The following GHR variants were observed in gnomAD, a reference collection of about 807,000 sequenced individuals.
The protein encoded by GHR is growth hormone receptor.
GHR carries 35 observed loss-of-function variants against 67.1 expected under a neutral mutation model. The observed-to-expected ratio is 0.52, with a 90% confidence interval of 0.40 to 0.69. GHR has a LOEUF of 0.69. Among genes scored for constraint, GHR ranks in the 30% least tolerant of loss-of-function variants. GHR has a pLI of 0.00. For synonymous variants in GHR, 272 were observed against 269.1 expected (o/e 1.01, Z -0.10); for missense variants, 792 against 764.6 (o/e 1.04, Z -0.42).
chr5:42,536,587 A>G (rs1399863014), intron 1 of GHR, among the ~76,000 whole-genome samples: 1 of 152,014 alleles, frequency 6.6e-6, no homozygotes, highest in East Asian at 1.9e-4. Flanking sequence ...TAAAGAGTTT[A>G]GCATCTATGT....
chr5:42,643,298 T>A (rs965620721), intron 3 of GHR, among the ~76,000 whole-genome samples: 8 of 152,202 alleles, frequency 5.3e-5, no homozygotes, highest in Non-Finnish European at 1.0e-4. Context: ...GAGGCTCTCA[T>A]CTGTTTGTGT....
intron 1 of GHR, among the ~76,000 whole-genome samples, chr5:42,474,113 G>A (rs555362168): frequency 9.3e-5 from 14 of 150,760 alleles, no homozygotes; most frequent in Admixed American, 4.0e-4. Context: ...CGCTTGAACC[G>A]AGGAGGCAGA....
intron 1 of GHR, among the ~76,000 whole-genome samples, chr5:42,544,575 C>A (rs1032464178): frequency 2.6e-5 from 4 of 152,116 alleles, no homozygotes; most frequent in African/African-American, 9.7e-5. Flanking sequence ...CCCCACCTCC[C>A]AAGAGATGTT....
intron 5 of GHR, among the ~76,000 whole-genome samples, chr5:42,697,767 T>C (rs752804250): frequency 2.0e-5 from 3 of 152,160 alleles, no homozygotes; most frequent in Non-Finnish European, 4.4e-5. Context: ...TGATGAGCGA[T>C]GTGATCTAAC....
At chr5:42,600,111 C>T (rs1407587912) in intron 2 of GHR, among the ~76,000 whole-genome samples, 1 of 152,038 alleles carries the variant, frequency 6.6e-6, no homozygotes, top group Non-Finnish European at 1.5e-5. Flanking sequence ...GGGAAGGGGT[C>T]GGGAGGGATT....
At chr5:42,569,155 C>G (rs1228824329) in intron 2 of GHR, among the ~76,000 whole-genome samples, 1 of 152,146 alleles carries the variant, frequency 6.6e-6, no homozygotes, top group African/African-American at 2.4e-5. Flanking sequence ...AAGGCTATTA[C>G]AGGAATAACT....
rs757126559 is a variant in GHR, at chr5:42,711,388, G to A, written c.784+16G>A. The A allele has an allele frequency of 3.2e-6, 5 of 1,579,966 alleles. No individual in the cohort carries two copies. The highest frequency in any genetic ancestry group is 4.4e-6 in the Non-Finnish European group (5 of 1,149,176). On this transcript the variant is annotated intron_variant, in intron 7 of 9. Coordinates refer to ENST00000230882, the MANE Select transcript of GHR (RefSeq NM_000163.5). ...TGTGAAGAAGGTAAAAGAAATAAAA[G>A]ATTAAAATAGTAGCTAACCTGGCTT...
At chr5:42,482,010 T>C (rs998047397) in intron 1 of GHR, among the ~76,000 whole-genome samples, 48 of 152,178 alleles carry the variant, frequency 3.2e-4, no homozygotes, top group African/African-American at 9.4e-4. Context: ...ATCTTGGTGG[T>C]TTTATCTACC....
At chr5:42,606,499 C>T (rs2112654307) in intron 2 of GHR, among the ~76,000 whole-genome samples, 1 of 152,044 alleles carries the variant, frequency 6.6e-6, no homozygotes, top group South Asian at 2.1e-4. Context: ...AGAGATGAGG[C>T]AAGAAAGAAA....
intron 2 of GHR, among the ~76,000 whole-genome samples, chr5:42,606,264 G>A (rs1459926102): frequency 6.6e-6 from 1 of 152,180 alleles, no homozygotes; most frequent in Non-Finnish European, 1.5e-5. Flanking sequence ...CAAGCTCCCA[G>A]AGGTCTTACT....
rs1463125739 is a variant in GHR, at chr5:42,471,345, CT to C, written c.-12+47393del. ...AATGCCATGTTTTGAGTGATTTGTC[CT>C]TTGGTTAGTAACTTTAAAAAATATG... On this transcript the variant is annotated intron_variant, in intron 1 of 9. Transcript: ENST00000230882. Among the ~76,000 whole-genome samples the C allele has an allele frequency of 3.7e-4, 57 of 152,122 alleles. 2 individuals are homozygous for C. The highest frequency in any genetic ancestry group is 3.7e-3 in the Admixed American group (57 of 15,254).
intron 1 of GHR, among the ~76,000 whole-genome samples, chr5:42,525,815 G>C (rs945966325): frequency 6.6e-6 from 1 of 152,154 alleles, no homozygotes; most frequent in Non-Finnish European, 1.5e-5. Flanking sequence ...GTTTATCAGA[G>C]GTTTCTGCTT....
intron 4 of GHR, among the ~76,000 whole-genome samples, chr5:42,691,436 G>T (rs941124752): frequency 3.3e-5 from 5 of 152,154 alleles, no homozygotes; most frequent in Admixed American, 2.0e-4. Flanking sequence ...ACTGATTAGT[G>T]TACAGTTATA....
intron 2 of GHR, among the ~76,000 whole-genome samples, chr5:42,625,504 A>ATAG (rs1164752447): frequency 1.3e-5 from 2 of 152,156 alleles, no homozygotes; most frequent in Non-Finnish European, 2.9e-5. Flanking sequence ...GGCCTGTGAC[A>ATAG]TAGCCCTCAG....
intron 8 of GHR, among the ~76,000 whole-genome samples, chr5:42,716,711 T>A (rs1758739995): frequency 6.6e-6 from 1 of 152,346 alleles, no homozygotes; most frequent in South Asian, 2.1e-4. Flanking sequence ...AGTAACAATA[T>A]GCTTTAACAT....
At chr5:42,627,252 C>T (rs1483327050) in intron 2 of GHR, among the ~76,000 whole-genome samples, 1 of 152,116 alleles carries the variant, frequency 6.6e-6, no homozygotes, top group Non-Finnish European at 1.5e-5. Context: ...TATTTCTCTT[C>T]ATTCTTACAG....
At chr5:42,662,289 C>A (rs1755683795) in intron 3 of GHR, among the ~76,000 whole-genome samples, 2 of 152,196 alleles carry the variant, frequency 1.3e-5, no homozygotes, top group South Asian at 4.1e-4. Flanking sequence ...CATCACAAAT[C>A]AACAGAATAT....
intron 2 of GHR, among the ~76,000 whole-genome samples, chr5:42,581,105 A>T (rs1446922053): frequency 6.6e-6 from 1 of 152,178 alleles, no homozygotes; most frequent in South Asian, 2.1e-4. Flanking sequence ...CATAACTTGG[A>T]CTTGGCCATC....
rs1753690732 is a variant in GHR at position 42,626,143 on chromosome 5, C to T, written c.71-2895C>T. ...CACACAAATTCTCCAACAGATTCTT[C>T]AGTGGGACACCAACTGGGTGTTCTC... On this transcript the variant is annotated intron_variant, in intron 2 of 9. Coordinates refer to ENST00000230882, the MANE Select transcript of GHR (RefSeq NM_000163.5). Among the ~76,000 whole-genome samples, 7 of 152,292 alleles carry T rather than the reference C, an allele frequency of 4.6e-5. No homozygotes were observed. In the South Asian group the frequency reaches 1.5e-3, roughly 32 times the overall value.
Sources: gnomAD v4.1 joint callset for allele counts (sites outside exome capture counted in the v4.1 genomes callset) on GRCh38, gnomAD v4.1.1 for gene constraint, MANE v1.5 for transcripts, NCBI Gene and HGNC (gene_info 2026-07-23, HGNC 2026-07-21) for gene names.